Variants in AKAP11 observed in about 807,000 individuals in gnomAD.
The protein encoded by AKAP11 is A-kinase anchoring protein 11.
Under a neutral mutation model 146.1 loss-of-function variants are expected in AKAP11, and 36 were observed. That is an observed-to-expected ratio of 0.25 (90% CI 0.19 to 0.33). The LOEUF (loss-of-function observed/expected upper bound fraction) is 0.33, where lower values mean the gene tolerates loss of function less well. AKAP11 is among the 10% of genes least tolerant of loss of function. AKAP11 has a pLI of 1.00. For synonymous variants in AKAP11, 780 were observed against 786.5 expected (o/e 0.99, Z 0.14); for missense variants, 2,201 against 2,197.0 (o/e 1.00, Z -0.04).
intron 4 of AKAP11, among the ~76,000 whole-genome samples, chr13:42,294,885 C>T (rs1307922001): frequency 1.3e-5 from 2 of 152,124 alleles, no homozygotes; most frequent in East Asian, 3.8e-4. Flanking sequence ...ATTTTCCATG[C>T]ATATGTTTTT....
chr13:42,272,862 T>C (rs1335199907), intron 1 of AKAP11, among the ~76,000 whole-genome samples: 2 of 152,216 alleles, frequency 1.3e-5, no homozygotes, highest in East Asian at 3.8e-4. Flanking sequence ...CTGCTGTTAA[T>C]CCAGGCATCT....
Position 42,300,220 on chromosome 13 carries a change from G to A in AKAP11, c.1474G>A (p.Ala492Thr). ...DSVYYTYEDYAKSISCEVLGS... is the reference protein window; with the variant it reads ...DSVYYTYEDYTKSISCEVLGS... ...TGTTTATTACACCTATGAAGACTAT[G>A]CAAAAAGCATTTCATGTGAAGTACT... Residue 492 changes from alanine (A) to threonine (T), a missense_variant, in exon 8 of 13, where the codon GCA becomes ACA. Physicochemically the swap from Ala to Thr is moderately conservative, Grantham distance 58 (BLOSUM62 0). Around this residue, in one of 3 missense-constraint regions of AKAP11, gnomAD observed 1,867 missense variants for 1,833.5 expected, o/e 1.02. Transcript: ENST00000025301. 6.2e-7 allele frequency: 1 copy of A among 1,613,634 alleles called. No individual in the cohort carries two copies. The highest frequency in any genetic ancestry group is 1.1e-5 in the South Asian group (1 of 91,000).
Position 42,299,382 on chromosome 13 carries a change from A to G in AKAP11, c.636A>G (p.Leu212=), listed in dbSNP as rs752004177. 6.2e-7 allele frequency: 1 copy of G among 1,613,222 alleles called. No individual in the cohort carries two copies. The highest frequency in any genetic ancestry group is 1.3e-5 in the African/African-American group (1 of 74,876). The stretch of plus-strand genomic sequence containing the variant: ...CTATAGGAATGAACATTACTGTGCT[A>G]AGGAGCCAGTGTGATGCTGCTTCCC... ...PYNDGMNITV[L]RSQCDAASQT... The change falls in exon 8 of 13, where the codon CTA becomes CTG. Residue 212 remains leucine, a synonymous_variant. Coordinates refer to ENST00000025301, the MANE Select transcript of AKAP11 (RefSeq NM_016248.4).
In AKAP11 at chr13:42,299,413, G is replaced by T. The variant is rs755623913; in HGVS notation, c.667G>T (p.Val223Phe). The change falls in exon 8 of 13, where the codon GTT (valine) becomes TTT (phenylalanine). Residue 223 changes from valine (V) to phenylalanine (F), a missense_variant. Around this residue, in one of 3 missense-constraint regions of AKAP11, gnomAD observed 331 missense variants for 347.4 expected, o/e 0.95. Coordinates refer to ENST00000025301, the MANE Select transcript of AKAP11 (RefSeq NM_016248.4). ...RSQCDAASQT[V>F]TGHHLETHDL... The stretch of plus-strand genomic sequence containing the variant: ...CCAGTGTGATGCTGCTTCCCAGACG[G>T]TTACTGGTCATCATTTAGAAACCCA... 35 of 1,613,622 alleles carry T rather than the reference G, an allele frequency of 2.2e-5. No homozygotes were observed. The Admixed American group carries it at 5.8e-4, about 27-fold the overall frequency.
intron 9 of AKAP11, among the ~76,000 whole-genome samples, chr13:42,311,472 C>G (rs138639358): frequency 9.2e-5 from 14 of 152,226 alleles, no homozygotes; most frequent in African/African-American, 2.9e-4. Context: ...AAAATGTATA[C>G]AGTCACCTAG....
Position 42,303,863 on chromosome 13 carries a change from G to T in AKAP11, c.5117G>T (p.Ser1706Ile). Reference protein sequence around the residue: ...AVTNVGHAVSSSKEIEDFQST... With the variant: ...AVTNVGHAVSISKEIEDFQST... ...ACAAATGTTGGGCATGCTGTTAGCA[G>T]GTAAGTTTCACGTTTCTTTTGGTTG... The change falls in exon 8 of 13, where the codon AGT becomes ATT. Residue 1706 changes from serine (S) to isoleucine (I), a missense_variant and splice_region_variant. Transcript: ENST00000025301. 6.4e-7 allele frequency: 1 copy of T among 1,561,256 alleles called. No individual in the cohort carries two copies. The highest frequency in any genetic ancestry group is 1.2e-5 in the South Asian group (1 of 82,878).
chr13:42,302,993 A>G lies in AKAP11; in HGVS notation c.4247A>G (p.Glu1416Gly), dbSNP rs144994778. The change falls in exon 8 of 13, where the codon GAG becomes GGG. Residue 1416 changes from glutamate (E) to glycine (G), a missense_variant. Physicochemically the swap from Glu to Gly is moderately conservative, Grantham distance 98. This residue lies in a region of AKAP11 where 1,867 missense variants were observed against 1,833.5 expected (regional missense o/e 1.02). Transcript: ENST00000025301. ...GAACTGTTAATGTTTTCAAACAAAG[A>G]GCACCACCAAGAAGCAGACAAAAAG... The part of the protein sequence containing the change: ...NKELLMFSNK[E>G]HHQEADKKRQ... 6 of 1,613,620 alleles carry G rather than the reference A, an allele frequency of 3.7e-6. No homozygotes were observed. The African/African-American group carries it at 8.0e-5, about 22-fold the overall frequency.
intron 11 of AKAP11, among the ~76,000 whole-genome samples, chr13:42,316,558 T>C (rs1168584823): frequency 6.6e-6 from 1 of 152,180 alleles, no homozygotes; most frequent in Non-Finnish European, 1.5e-5. Flanking sequence ...ACCAGAAAAT[T>C]CCCTGATCTG....
chr13:42,302,151 T>C lies in AKAP11; in HGVS notation c.3405T>C (p.Ala1135=), dbSNP rs1959959631. The C allele has an allele frequency of 1.9e-6, 3 of 1,614,208 alleles. No homozygotes were observed. The highest frequency in any genetic ancestry group is 2.5e-6 in the Non-Finnish European group (3 of 1,180,020). ...AATTAGCCAAAGAGTTTGCACCTGC[T>C]ACACCACCTTCTACTCCACACAACT... ...KGELAKEFAP[A]TPPSTPHNSS... Residue 1135 remains alanine (A), a synonymous_variant, in exon 8 of 13, where the codon GCT becomes GCC. Coordinates refer to ENST00000025301, the MANE Select transcript of AKAP11 (RefSeq NM_016248.4).
chr13:42,307,564 A>G (rs1304499076), intron 8 of AKAP11, among the ~76,000 whole-genome samples: 3 of 152,078 alleles, frequency 2.0e-5, no homozygotes, highest in Admixed American at 6.6e-5. Flanking sequence ...TGAAATGAGA[A>G]TAAGTCATGT....
chr13:42,302,363 T>A lies in AKAP11; in HGVS notation c.3617T>A (p.Ile1206Asn), dbSNP rs774659355. 13 of 1,614,120 alleles carry A rather than the reference T, an allele frequency of 8.1e-6. No homozygotes were observed. Among genetic ancestry groups the A allele is most frequent in the Non-Finnish European group, 9.3e-6 (11 of 1,180,018 alleles). Residue 1206 changes from isoleucine to asparagine, a missense_variant, in exon 8 of 13, where the codon ATC (isoleucine) becomes AAC (asparagine). By Grantham distance (149) the Ile-to-Asn change is moderately radical. Coordinates refer to ENST00000025301, the MANE Select transcript of AKAP11 (RefSeq NM_016248.4). Reference protein sequence around the residue: ...VQFAEALATHILSLATEMAAS... With the variant: ...VQFAEALATHNLSLATEMAAS... ...TTTGCAGAAGCATTAGCTACACACA[T>A]CCTTTCTCTTGCAACTGAAATGGCA... is the stretch of plus-strand genomic sequence containing the variant.
intron 4 of AKAP11, among the ~76,000 whole-genome samples, chr13:42,293,839 T>A (rs921868034): frequency 6.6e-6 from 1 of 152,222 alleles, no homozygotes; most frequent in Non-Finnish European, 1.5e-5. Flanking sequence ...CTATTCCATT[T>A]TAGGGTGTGC....
chr13:42,292,717 C>T (rs1959267015), intron 4 of AKAP11, among the ~76,000 whole-genome samples: 1 of 152,126 alleles, frequency 6.6e-6, no homozygotes, highest in African/African-American at 2.4e-5. Flanking sequence ...ACAATGAACT[C>T]AAACAAATGA....
chr13:42,317,443 A>G, intron 11 of AKAP11, 85 bp from the exon 12 acceptor site: 2 of 1,373,454 alleles, frequency 1.5e-6, no homozygotes, highest in South Asian at 1.5e-5. Flanking sequence ...TAAGAACCAG[A>G]AAATATTTGT....
Position 42,319,908 on chromosome 13 carries a change from TGTGTG to T in AKAP11, c.*681_*685del, listed in dbSNP as rs1034653829. 8 of 66,118 alleles carry T rather than the reference TGTGTG, an allele frequency of 1.2e-4. No individual in the cohort carries two copies. Among genetic ancestry groups the T allele is most frequent in the South Asian group, 4.7e-4 (1 of 2,146 alleles). 4.1% of individuals were successfully genotyped at this position (66,118 alleles called of 1,614,324 possible). A position where few individuals can be genotyped will look rare whatever the true frequency, so the allele number is the denominator to read the frequency against. On this transcript the variant is annotated 3_prime_UTR_variant, in exon 13 of 13. Coordinates refer to ENST00000025301, the MANE Select transcript of AKAP11 (RefSeq NM_016248.4). ...CTGCCAGTCATTCTGGCATGAAAGG[TGTGTG>T]TGTGTGTGTGTGTGTGTGTGTGTGT...
At position 42,301,045 on chromosome 13, in the gene AKAP11, C is replaced by A. The variant is rs1959863994; in HGVS notation, c.2299C>A (p.Gln767Lys). 1.9e-6 allele frequency: 3 copies of A among 1,614,116 alleles called. No individual in the cohort carries two copies. Among genetic ancestry groups the A allele is most frequent in the Non-Finnish European group, 2.5e-6 (3 of 1,179,958 alleles). ...VQEYKKEYTV[Q>K]QALFCTSGIV... ...GGAATATAAAAAGGAATACACAGTG[C>A]AGCAGGCCTTGTTTTGTACTTCTGG... is the stretch of plus-strand genomic sequence containing the variant. The change falls in exon 8 of 13, where the codon CAG becomes AAG. Residue 767 changes from glutamine to lysine, a missense_variant. Gln to Lys is a moderately conservative substitution (Grantham distance 53, BLOSUM62 1). Around this residue, in one of 3 missense-constraint regions of AKAP11, gnomAD observed 1,867 missense variants for 1,833.5 expected, o/e 1.02. Transcript: ENST00000025301.
Position 42,302,266 on chromosome 13 carries a change from G to A in AKAP11, c.3520G>A (p.Val1174Ile), listed in dbSNP as rs768316369. 6.8e-6 allele frequency: 11 copies of A among 1,614,084 alleles called. No individual in the cohort carries two copies. In the East Asian group the frequency reaches 2.2e-4, roughly 33 times the overall value. Residue 1174 changes from valine (V) to isoleucine (I), a missense_variant, in exon 8 of 13, where the codon GTT becomes ATT. Physicochemically the swap from Val to Ile is conservative, Grantham distance 29 (BLOSUM62 3). Transcript: ENST00000025301. ...LKLMRSLSEEVESSESGELPE... is the reference protein window; with the variant it reads ...LKLMRSLSEEIESSESGELPE... ...ACTCATGCGATCTCTTTCTGAAGAA[G>A]TTGAGAGTAGTGAAAGTGGAGAGCT...
rs367807885 is a variant in AKAP11 at position 42,302,788 on chromosome 13, C to T, written c.4042C>T (p.His1348Tyr). The change falls in exon 8 of 13, where the codon CAC becomes TAC. Residue 1348 changes from histidine (H) to tyrosine (Y), a missense_variant. Physicochemically the swap from His to Tyr is moderately conservative, Grantham distance 83. Transcript: ENST00000025301. ...AAGTGTGACAGATGAATATGCAGGTCACCTTATTCAGATACTAAAACAGGA... is the reference window on the plus strand; with the variant it reads ...AAGTGTGACAGATGAATATGCAGGTTACCTTATTCAGATACTAAAACAGGA... ...CESVTDEYAG[H>Y]LIQILKQEGG... 2.5e-6 allele frequency: 4 copies of T among 1,613,848 alleles called. No homozygotes were observed. In the African/African-American group the frequency reaches 5.3e-5, roughly 22 times the overall value.
chr13:42,284,636 A>T (rs777593300), intron 1 of AKAP11, among the ~76,000 whole-genome samples: 1 of 152,054 alleles, frequency 6.6e-6, no homozygotes, highest in Middle Eastern at 3.2e-3. Flanking sequence ...CCTGTGTTTT[A>T]TAGTTTTCAA....
Sources: allele counts gnomAD v4.1 joint callset (sites outside exome capture counted in the v4.1 genomes callset), GRCh38; gene constraint gnomAD v4.1.1; regional missense constraint gnomAD v4.1.1; transcripts MANE v1.5; gene names NCBI Gene and HGNC (gene_info 2026-07-23, HGNC 2026-07-21).